The following CAMTA1 variants were observed in gnomAD, a reference collection of about 807,000 sequenced individuals.
The protein encoded by CAMTA1 is calmodulin-binding transcription activator 1.
In CAMTA1, 27 loss-of-function variants were observed where a neutral mutation model predicts 170.9. The ratio of observed to expected loss-of-function variants is 0.16; its 90% CI spans 0.12 to 0.22. The LOEUF is 0.22. Among genes scored for constraint, CAMTA1 ranks in the 10% least tolerant of loss-of-function variants. CAMTA1 has a pLI of 1.00. For missense variants in CAMTA1, 1,619 were observed against 2,217.2 expected (o/e 0.73, Z 5.42); for synonymous variants, 833 against 891.5 (o/e 0.93, Z 1.17).
At position 7,173,668 on chromosome 1, in the gene CAMTA1, G is replaced by A. The variant is rs145801762; in HGVS notation, c.303-75823G>A. ...CTCCCAAAGTGCTGAGATTACAGGC[G>A]TGAGCCACCGTGCCCAGCCCAGAGC... On this transcript the variant is annotated intron_variant, in intron 4 of 22. Coordinates refer to ENST00000303635, the MANE Select transcript of CAMTA1 (RefSeq NM_015215.4). This position sits in a 1 kb window ranked among gnomAD's most constrained non-coding sequence, Gnocchi z 5.4. Among the ~76,000 whole-genome samples, 121 of 151,980 alleles carry A rather than the reference G, an allele frequency of 8.0e-4. No individual in the cohort carries two copies. The highest frequency in any genetic ancestry group is 2.6e-3 in the African/African-American group (107 of 41,444).
chr1:7,438,262 C>T (rs969125442), intron 5 of CAMTA1, among the ~76,000 whole-genome samples: 17 of 152,262 alleles, frequency 1.1e-4, no homozygotes, highest in Non-Finnish European at 2.1e-4. Flanking sequence ...GCAAGACGCA[C>T]TGTCCGAGCG....
At chr1:7,097,787 G>C (rs1325196360) in intron 4 of CAMTA1, among the ~76,000 whole-genome samples, 1 of 152,214 alleles carries the variant, frequency 6.6e-6, no homozygotes, top group African/African-American at 2.4e-5. Context: ...TGCTGACTGA[G>C]GGATCTAGAA....
intron 11 of CAMTA1, among the ~76,000 whole-genome samples, chr1:7,719,727 A>C (rs1445487485): frequency 1.3e-5 from 2 of 152,178 alleles, no homozygotes; most frequent in African/African-American, 4.8e-5. Flanking sequence ...GAGCAGCTTA[A>C]TATACTCTCG....
At chr1:6,790,333 T>G (rs908926000) in intron 1 of CAMTA1, among the ~76,000 whole-genome samples, 1 of 151,374 alleles carries the variant, frequency 6.6e-6, no homozygotes, top group Non-Finnish European at 1.5e-5. Context: ...TTTAGCAGCT[T>G]TCCCCCAGAC....
intron 3 of CAMTA1, among the ~76,000 whole-genome samples, chr1:6,995,662 A>G (rs1485945331): frequency 6.6e-6 from 1 of 152,204 alleles, no homozygotes. Context: ...TTATTCAAGT[A>G]TGGTGTGACT....
chr1:7,663,094 G>A lies in CAMTA1; in HGVS notation c.806-259G>A, dbSNP rs566666983. Among the ~76,000 whole-genome samples, 5 of 152,336 alleles carry A rather than the reference G, an allele frequency of 3.3e-5. No homozygotes were observed. In the South Asian group the frequency reaches 6.2e-4, roughly 19 times the overall value. On this transcript the variant is annotated intron_variant, in intron 8 of 22. Coordinates refer to ENST00000303635, the MANE Select transcript of CAMTA1 (RefSeq NM_015215.4). ...TTCCCATATGCTTCCTATTTGAAAA[G>A]AGCATCAAGGCCAAAGCCCCTCTGA...
rs1028611116 is a variant in CAMTA1 at position 7,234,245 on chromosome 1, G to A, written c.303-15246G>A. The stretch of plus-strand genomic sequence containing the variant: ...CCTCTCCAAACCTGGGCCTCGCCAC[G>A]CTCTCTACCGAAAGCCCTTCCAGGG... On this transcript the variant is annotated intron_variant, in intron 4 of 22. Transcript: ENST00000303635. The surrounding 1 kb of genome is among the most constrained non-coding windows in gnomAD (Gnocchi z 5.0). Among the ~76,000 whole-genome samples, 58 of 152,100 alleles carry A rather than the reference G, an allele frequency of 3.8e-4. 1 individual carries two copies. The highest frequency in any genetic ancestry group is 5.9e-5 in the Non-Finnish European group (4 of 68,032).
intron 6 of CAMTA1, among the ~76,000 whole-genome samples, chr1:7,640,039 C>T (rs2095748620): frequency 6.6e-6 from 1 of 152,122 alleles, no homozygotes; most frequent in South Asian, 2.1e-4. Context: ...TGACCTCATG[C>T]CCGTGGTTCC....
intron 3 of CAMTA1, among the ~76,000 whole-genome samples, chr1:7,020,390 G>C (rs1022713304): frequency 3.9e-5 from 6 of 152,204 alleles, no homozygotes; most frequent in Admixed American, 3.9e-4. Context: ...TGTAGCCCAG[G>C]AGCCATAGGC....
At chr1:7,756,631 T>C (rs1202616363) in intron 22 of CAMTA1, among the ~76,000 whole-genome samples, 1 of 152,036 alleles carries the variant, frequency 6.6e-6, no homozygotes, top group Non-Finnish European at 1.5e-5. Context: ...GGAGGAGTGC[T>C]TGAGCCCAGG....
At chr1:7,533,169 C>A (rs142902097) in intron 6 of CAMTA1, among the ~76,000 whole-genome samples, 1 of 152,154 alleles carries the variant, frequency 6.6e-6, no homozygotes, top group Non-Finnish European at 1.5e-5. Flanking sequence ...CCCAGTCAGT[C>A]GGGGGGCACC....
At chr1:6,841,772 G>C (rs1191710806) in intron 3 of CAMTA1, among the ~76,000 whole-genome samples, 1 of 152,124 alleles carries the variant, frequency 6.6e-6, no homozygotes, top group African/African-American at 2.4e-5. Context: ...ACCAAGAAAT[G>C]GTTTATAGGG....
At chr1:6,814,996 A>G (rs1645617548) in intron 1 of CAMTA1, among the ~76,000 whole-genome samples, 1 of 152,226 alleles carries the variant, frequency 6.6e-6, no homozygotes, top group South Asian at 2.1e-4. Flanking sequence ...CAAAATGAAT[A>G]AAACATAGTC....
chr1:6,830,920 G>T (rs1381746217), intron 3 of CAMTA1, among the ~76,000 whole-genome samples: 4 of 152,040 alleles, frequency 2.6e-5, no homozygotes, highest in African/African-American at 9.7e-5. Flanking sequence ...CCAAGTTCAC[G>T]CTGTTCTCCT....
rs11807123 is a variant in CAMTA1, at chr1:7,386,551, C to T, written c.439-81279C>T. Among the ~76,000 whole-genome samples, 1,477 of 152,316 alleles carry T rather than the reference C, an allele frequency of 9.7e-3. 24 individuals are homozygous for T. Among genetic ancestry groups the T allele is most frequent in the African/African-American group, 0.032 (1,338 of 41,564 alleles). Reference sequence around the variant, plus strand: ...GATGTTCTTGGCCTTCTCTCTCCAACTAACATCTGCCAAGGCCTCCTCCTA... The same window carrying T: ...GATGTTCTTGGCCTTCTCTCTCCAATTAACATCTGCCAAGGCCTCCTCCTA... On this transcript the variant is annotated intron_variant, in intron 5 of 22. Coordinates refer to ENST00000303635, the MANE Select transcript of CAMTA1 (RefSeq NM_015215.4).
chr1:7,386,134 G>A (rs2087947627), intron 5 of CAMTA1, among the ~76,000 whole-genome samples: 6 of 152,212 alleles, frequency 3.9e-5, no homozygotes, highest in Admixed American at 3.9e-4. Context: ...CCAGCCCGCT[G>A]GAAGGCCATC....
chr1:7,498,187 A>AGTGT (rs2093864837), intron 6 of CAMTA1, among the ~76,000 whole-genome samples: 1 of 129,550 alleles, frequency 7.7e-6, no homozygotes, highest in South Asian at 2.4e-4. Context: ...TGTGTATGAG[A>AGTGT]GTGAGTGTGT....
intron 5 of CAMTA1, among the ~76,000 whole-genome samples, chr1:7,448,584 T>G (rs1240310220): frequency 6.6e-6 from 1 of 152,172 alleles, no homozygotes; most frequent in South Asian, 2.1e-4. Flanking sequence ...AACAGAGATT[T>G]ATTTCCCAGA....
rs139802314 is a variant in CAMTA1, at chr1:7,471,425, C to T, written c.510+3524C>T. ...GACCAGATGACCTGAGCTCAGCCCA[C>T]TCCAGCTGGGCAGGGCCAGAGCCAT... is the stretch of plus-strand genomic sequence containing the variant. On this transcript the variant is annotated intron_variant, in intron 6 of 22. Transcript: ENST00000303635. 8.9e-3 allele frequency among the ~76,000 whole-genome samples: 1,351 copies of T among 152,360 alleles called. 22 individuals carry two copies. Among genetic ancestry groups the T allele is most frequent in the African/African-American group, 0.031 (1,276 of 41,582 alleles).
Sources: allele counts gnomAD v4.1 joint callset (sites outside exome capture counted in the v4.1 genomes callset), GRCh38; gene constraint gnomAD v4.1.1; non-coding constraint Gnocchi (gnomAD v3.1); transcripts MANE v1.5; gene names NCBI Gene and HGNC (gene_info 2026-07-23, HGNC 2026-07-21).